Variants in FZD7 observed in about 807,000 individuals in gnomAD.
The protein encoded by FZD7 is frizzled-7.
In FZD7, 21 loss-of-function variants were observed where a neutral mutation model predicts 39.0. The ratio of observed to expected loss-of-function variants is 0.54; its 90% CI spans 0.38 to 0.78. The LOEUF (loss-of-function observed/expected upper bound fraction) is 0.78. Among genes scored for constraint, FZD7 ranks in the 30% least tolerant of loss-of-function variants. The pLI is 0.00. For synonymous variants in FZD7, 428 were observed against 364.9 expected (o/e 1.17, Z -1.97); for missense variants, 695 against 805.0 (o/e 0.86, Z 1.65).
In FZD7 at chr2:202,034,950, C is replaced by G; in HGVS notation, c.303C>G (p.Phe101Leu). The G allele has an allele frequency of 6.2e-7, 1 of 1,614,194 alleles. No individual in the cohort carries two copies. Among genetic ancestry groups the G allele is most frequent in the Non-Finnish European group, 8.5e-7 (1 of 1,180,026 alleles). The change falls in exon 1 of 1, where the codon TTC becomes TTG. Residue 101 changes from phenylalanine to leucine, a missense_variant. Phe to Leu is a conservative substitution (Grantham distance 22). Transcript: ENST00000286201. ...KVQCSPELRF[F>L]LCSMYAPVCT... ...AGTGTTCTCCCGAACTCCGCTTTTT[C>G]TTATGCTCCATGTATGCGCCCGTGT... is the stretch of plus-strand genomic sequence containing the variant.
Position 202,035,738 on chromosome 2 carries a change from C to G in FZD7, c.1091C>G (p.Ala364Gly). The change falls in exon 1 of 1, where the codon GCG becomes GGG. Residue 364 changes from alanine (A) to glycine (G), a missense_variant. Coordinates refer to ENST00000286201, the MANE Select transcript of FZD7 (RefSeq NM_003507.2). ...WVILSLTWFL[A>G]AGMKWGHEAI... Reference sequence around the variant, plus strand: ...ATTCTGTCTCTCACTTGGTTCCTGGCGGCCGGCATGAAGTGGGGCCACGAG... The same window carrying G: ...ATTCTGTCTCTCACTTGGTTCCTGGGGGCCGGCATGAAGTGGGGCCACGAG... 1 of 1,614,018 alleles carries G rather than the reference C, an allele frequency of 6.2e-7. No homozygotes were observed. The highest frequency in any genetic ancestry group is 8.5e-7 in the Non-Finnish European group (1 of 1,180,036).
Position 202,035,157 on chromosome 2 carries a change from G to C in FZD7, c.510G>C (p.Gly170=). ...CVGQNTSDGS[G]GPGGGPTAYP... The stretch of plus-strand genomic sequence containing the variant: ...GCCAGAACACGTCGGACGGCTCCGG[G>C]GGCCCAGGCGGCGGCCCCACTGCCT... Residue 170 remains glycine (G), a synonymous_variant, in exon 1 of 1, where the codon GGG becomes GGC. Transcript: ENST00000286201. The C allele has an allele frequency of 1.9e-6, 3 of 1,602,408 alleles. No individual in the cohort carries two copies. Among genetic ancestry groups the C allele is most frequent in the Non-Finnish European group, 2.5e-6 (3 of 1,179,470 alleles).
Position 202,035,770 on chromosome 2 carries a change from G to A in FZD7, c.1123G>A (p.Glu375Lys). The change falls in exon 1 of 1, where the codon GAG becomes AAG. Residue 375 changes from glutamate (E) to lysine (K), a missense_variant. Coordinates refer to ENST00000286201, the MANE Select transcript of FZD7 (RefSeq NM_003507.2). ...AGMKWGHEAI[E>K]ANSQYFHLAA... Reference sequence around the variant, plus strand: ...CATGAAGTGGGGCCACGAGGCCATCGAGGCCAACTCGCAGTACTTCCACCT... The same window carrying A: ...CATGAAGTGGGGCCACGAGGCCATCAAGGCCAACTCGCAGTACTTCCACCT... The A allele has an allele frequency of 6.2e-7, 1 of 1,614,088 alleles. No individual in the cohort carries two copies. The highest frequency in any genetic ancestry group is 2.2e-5 in the East Asian group (1 of 44,874).
rs1368729594 is a variant in FZD7, at chr2:202,034,709, C to T, written c.62C>T (p.Ala21Val). 2 of 1,610,024 alleles carry T rather than the reference C, an allele frequency of 1.2e-6. No homozygotes were observed. Among genetic ancestry groups the T allele is most frequent in the Admixed American group, 1.7e-5 (1 of 59,966 alleles). ...CTGGGCCTCTGTGCCCTGGTGCTGG[C>T]GCTGCTGGGCGCACTGTCCGCGGGC... ...SSLGLCALVL[A>V]LLGALSAGAG... Residue 21 changes from alanine to valine, a missense_variant, in exon 1 of 1, where the codon GCG becomes GTG. Coordinates refer to ENST00000286201, the MANE Select transcript of FZD7 (RefSeq NM_003507.2).
At position 202,036,617 on chromosome 2, in the gene FZD7, G is replaced by C. The variant is rs559288287; in HGVS notation, c.*245G>C. The C allele has an allele frequency of 7.9e-5, 43 of 544,372 alleles. No homozygotes were observed. The highest frequency in any genetic ancestry group is 6.4e-4 in the African/African-American group (34 of 52,914). The allele number at this position is 544,372 out of a possible 1,614,324, so 33.7% of individuals were successfully genotyped here. A position where few individuals can be genotyped will look rare whatever the true frequency, so the allele number is the denominator to read the frequency against. On this transcript the variant is annotated 3_prime_UTR_variant, in exon 1 of 1. Transcript: ENST00000286201. ...AGACTTGCAGGAAGATGATGATAACGGCGATGTGAATCGTCAAAGGTACGG... is the reference window on the plus strand; with the variant it reads ...AGACTTGCAGGAAGATGATGATAACCGCGATGTGAATCGTCAAAGGTACGG...
In FZD7 at chr2:202,035,833, A is replaced by G. The variant is rs1291635079; in HGVS notation, c.1186A>G (p.Ile396Val). The G allele has an allele frequency of 3.7e-6, 6 of 1,613,896 alleles. No individual in the cohort carries two copies. Among genetic ancestry groups the G allele is most frequent in the South Asian group, 2.2e-5 (2 of 91,080 alleles). ...CGTGCCCGCCGTCAAGACCATCACT[A>G]TCCTGGCCATGGGCCAGGTAGACGG... ...WAVPAVKTITILAMGQVDGDL... is the reference protein window; with the variant it reads ...WAVPAVKTITVLAMGQVDGDL... Residue 396 changes from isoleucine (I) to valine (V), a missense_variant, in exon 1 of 1, where the codon ATC becomes GTC. Physicochemically the swap from Ile to Val is conservative, Grantham distance 29. Coordinates refer to ENST00000286201, the MANE Select transcript of FZD7 (RefSeq NM_003507.2).
Position 202,035,853 on chromosome 2 carries a change from A to G in FZD7, c.1206A>G (p.Val402=). 1.9e-6 allele frequency: 3 copies of G among 1,614,082 alleles called. No homozygotes were observed. Among genetic ancestry groups the G allele is most frequent in the Admixed American group, 1.7e-5 (1 of 60,034 alleles). ...KTITILAMGQ[V]DGDLLSGVCY... ...TCACTATCCTGGCCATGGGCCAGGT[A>G]GACGGGGACCTGCTGAGCGGGGTGT... Residue 402 remains valine, a synonymous_variant, in exon 1 of 1, where the codon GTA becomes GTG. Coordinates refer to ENST00000286201, the MANE Select transcript of FZD7 (RefSeq NM_003507.2).
At position 202,034,970 on chromosome 2, in the gene FZD7, C is replaced by T. The variant is rs1470744219; in HGVS notation, c.323C>T (p.Pro108Leu). ...LRFFLCSMYA[P>L]VCTVLDQAIP... Reference sequence around the variant, plus strand: ...TTTTTCTTATGCTCCATGTATGCGCCCGTGTGCACCGTGCTCGATCAGGCC... The same window carrying T: ...TTTTTCTTATGCTCCATGTATGCGCTCGTGTGCACCGTGCTCGATCAGGCC... Residue 108 changes from proline to leucine, a missense_variant, in exon 1 of 1, where the codon CCC (proline) becomes CTC (leucine). Physicochemically the swap from Pro to Leu is moderately conservative, Grantham distance 98. Transcript: ENST00000286201. 1.9e-6 allele frequency: 3 copies of T among 1,613,956 alleles called. No homozygotes were observed. Among genetic ancestry groups the T allele is most frequent in the Non-Finnish European group, 2.5e-6 (3 of 1,180,044 alleles).
At position 202,036,427 on chromosome 2, in the gene FZD7, C is replaced by T. The variant is rs2105894889; in HGVS notation, c.*55C>T. ...CAGCCCTCTTGCAAGAGGAGAGGCACGGTAGGGAAAAGAACTGCTGGGTGG... is the reference window on the plus strand; with the variant it reads ...CAGCCCTCTTGCAAGAGGAGAGGCATGGTAGGGAAAAGAACTGCTGGGTGG... On this transcript the variant is annotated 3_prime_UTR_variant, in exon 1 of 1. Coordinates refer to ENST00000286201, the MANE Select transcript of FZD7 (RefSeq NM_003507.2). The T allele has an allele frequency of 7.2e-7, 1 of 1,387,010 alleles. No individual in the cohort carries two copies. Among genetic ancestry groups the T allele is most frequent in the African/African-American group, 1.4e-5 (1 of 70,236 alleles). The allele number at this position is 1,387,010 out of a possible 1,614,324, so 85.9% of individuals were successfully genotyped here.
At position 202,036,611 on chromosome 2, in the gene FZD7, G is replaced by T; in HGVS notation, c.*239G>T. On this transcript the variant is annotated 3_prime_UTR_variant, in exon 1 of 1. Coordinates refer to ENST00000286201, the MANE Select transcript of FZD7 (RefSeq NM_003507.2). Reference sequence around the variant, plus strand: ...AGGCAAAGACTTGCAGGAAGATGATGATAACGGCGATGTGAATCGTCAAAG... The same window carrying T: ...AGGCAAAGACTTGCAGGAAGATGATTATAACGGCGATGTGAATCGTCAAAG... 1 of 547,816 alleles carries T rather than the reference G, an allele frequency of 1.8e-6. No individual in the cohort carries two copies. Among genetic ancestry groups the T allele is most frequent in the East Asian group, 3.1e-5 (1 of 32,308 alleles). 33.9% of individuals were successfully genotyped at this position (547,816 alleles called of 1,614,324 possible). A position where few individuals can be genotyped will look rare whatever the true frequency, so the allele number is the denominator to read the frequency against.
Position 202,035,053 on chromosome 2 carries a change from A to G in FZD7, c.406A>G (p.Asn136Asp). 6.2e-7 allele frequency: 1 copy of G among 1,612,864 alleles called. No homozygotes were observed. The highest frequency in any genetic ancestry group is 8.5e-7 in the Non-Finnish European group (1 of 1,179,832). ...CCGCCAGGGCTGCGAGGCGCTCATG[A>G]ACAAGTTCGGCTTCCAGTGGCCCGA... ...RARQGCEALM[N>D]KFGFQWPERL... The change falls in exon 1 of 1, where the codon AAC becomes GAC. Residue 136 changes from asparagine (N) to aspartate (D), a missense_variant. Physicochemically the swap from Asn to Asp is conservative, Grantham distance 23. Transcript: ENST00000286201.
chr2:202,037,853 A>C lies in FZD7; in HGVS notation c.*1481A>C, dbSNP rs1688774190. 1 of 167,110 alleles carries C rather than the reference A, an allele frequency of 6.0e-6. No individual in the cohort carries two copies. The highest frequency in any genetic ancestry group is 6.5e-5 in the Admixed American group (1 of 15,296). The allele number at this position is 167,110 out of a possible 1,614,324, so 10.4% of individuals were successfully genotyped here. ...TTAAAGAAAGTCATTAAAAGAAGGT[A>C]AACTTCAAAGTGATTCTGGAGTTCT... On this transcript the variant is annotated 3_prime_UTR_variant, in exon 1 of 1. Transcript: ENST00000286201.
chr2:202,035,932 C>T lies in FZD7; in HGVS notation c.1285C>T (p.Leu429=), dbSNP rs1156776463. The T allele has an allele frequency of 1.2e-6, 2 of 1,613,968 alleles. No homozygotes were observed. The highest frequency in any genetic ancestry group is 2.7e-5 in the African/African-American group (2 of 74,950). The change falls in exon 1 of 1, where the codon CTG becomes TTG. Residue 429 remains leucine (L), a synonymous_variant. Coordinates refer to ENST00000286201, the MANE Select transcript of FZD7 (RefSeq NM_003507.2). ...DALRGFVLAP[L]FVYLFIGTSF... ...GCTGCGGGGCTTCGTGCTGGCGCCT[C>T]TGTTCGTCTACCTCTTCATAGGCAC...
rs1688756520 is a variant in FZD7 at position 202,036,901 on chromosome 2, A to G, written c.*529A>G. On this transcript the variant is annotated 3_prime_UTR_variant, in exon 1 of 1. Coordinates refer to ENST00000286201, the MANE Select transcript of FZD7 (RefSeq NM_003507.2). ...TTTCACTGGGGCCAAACTGGAGCCC[A>G]GATGGGTTAATTTCCAGGGTCAGAC... The G allele has an allele frequency of 5.9e-6, 1 of 169,002 alleles. No individual in the cohort carries two copies. 10.5% of individuals were successfully genotyped at this position (169,002 alleles called of 1,614,324 possible).
At position 202,035,751 on chromosome 2, in the gene FZD7, G is replaced by A. The variant is rs1688727953; in HGVS notation, c.1104G>A (p.Lys368=). 1.2e-6 allele frequency: 2 copies of A among 1,613,950 alleles called. No homozygotes were observed. The highest frequency in any genetic ancestry group is 2.7e-5 in the African/African-American group (2 of 74,952). ...CTTGGTTCCTGGCGGCCGGCATGAA[G>A]TGGGGCCACGAGGCCATCGAGGCCA... ...SLTWFLAAGM[K]WGHEAIEANS... Residue 368 remains lysine, a synonymous_variant, in exon 1 of 1, where the codon AAG becomes AAA. Coordinates refer to ENST00000286201, the MANE Select transcript of FZD7 (RefSeq NM_003507.2).
rs1380130746 is a variant in FZD7, at chr2:202,034,614, C to G, written c.-34C>G. 1 of 1,514,728 alleles carries G rather than the reference C, an allele frequency of 6.6e-7. No homozygotes were observed. Among genetic ancestry groups the G allele is most frequent in the Non-Finnish European group, 8.7e-7 (1 of 1,143,802 alleles). 93.8% of individuals were successfully genotyped at this position (1,514,728 alleles called of 1,614,324 possible). ...CTCCCAACCGCCTCGTCGCACTCCT[C>G]AGGCTGAGAGCACCGCTGCACTCGC... On this transcript the variant is annotated 5_prime_UTR_variant, in exon 1 of 1. The change creates a premature stop within an existing upstream ORF in the 5' untranslated region. Transcript: ENST00000286201.
chr2:202,035,626 G>A lies in FZD7; in HGVS notation c.979G>A (p.Val327Met), dbSNP rs1688726321. 6.2e-7 allele frequency: 1 copy of A among 1,614,092 alleles called. No individual in the cohort carries two copies. The highest frequency in any genetic ancestry group is 1.3e-5 in the African/African-American group (1 of 74,954). The change falls in exon 1 of 1, where the codon GTG (valine) becomes ATG (methionine). Residue 327 changes from valine to methionine, a missense_variant. Val to Met is a conservative substitution (Grantham distance 21). Transcript: ENST00000286201. ...CTTCTCGGACGATGGCTACCGCACG[G>A]TGGCGCAGGGCACCAAGAAGGAGGG... The part of the protein sequence containing the change: ...ERFSDDGYRT[V>M]AQGTKKEGCT...
Position 202,036,676 on chromosome 2 carries a change from CAG to C in FZD7, c.*308_*309del, listed in dbSNP as rs574540529. The C allele has an allele frequency of 4.5e-4, 173 of 385,122 alleles. 3 individuals carry two copies. Among genetic ancestry groups the C allele is most frequent in the African/African-American group, 3.5e-3 (170 of 48,764 alleles). 23.9% of individuals were successfully genotyped at this position (385,122 alleles called of 1,614,324 possible). A position where few individuals can be genotyped will look rare whatever the true frequency, so the allele number is the denominator to read the frequency against. On this transcript the variant is annotated 3_prime_UTR_variant, in exon 1 of 1. Coordinates refer to ENST00000286201, the MANE Select transcript of FZD7 (RefSeq NM_003507.2). Reference sequence around the variant, plus strand: ...GTGCCTAATAGAAGGTTGAGACCAGCAGAGACTGCTGTGAGTTTCTCCCGGCT... The same window carrying C: ...GTGCCTAATAGAAGGTTGAGACCAGCAGACTGCTGTGAGTTTCTCCCGGCT...
Position 202,034,834 on chromosome 2 carries a change from A to G in FZD7, c.187A>G (p.Asn63Asp). Reference sequence around the variant, plus strand: ...CCCGCTGTGCACGGACATCGCCTACAACCAGACCATCCTGCCCAACCTGCT... The same window carrying G: ...CCCGCTGTGCACGGACATCGCCTACGACCAGACCATCCTGCCCAACCTGCT... ...SIPLCTDIAY[N>D]QTILPNLLGH... is the part of the protein sequence containing the mutation. The change falls in exon 1 of 1, where the codon AAC becomes GAC. Residue 63 changes from asparagine (N) to aspartate (D), a missense_variant. Coordinates refer to ENST00000286201, the MANE Select transcript of FZD7 (RefSeq NM_003507.2). 6.2e-7 allele frequency: 1 copy of G among 1,613,992 alleles called. No homozygotes were observed.
Sources: allele counts gnomAD v4.1 joint callset, GRCh38; gene constraint gnomAD v4.1.1; transcripts MANE v1.5; gene names NCBI Gene and HGNC (gene_info 2026-07-23, HGNC 2026-07-21).